Variants in TBC1D9B observed in about 807,000 individuals in gnomAD.
TBC1D9B encodes TBC1 domain family member 9B.
TBC1D9B carries 87 observed loss-of-function variants against 121.1 expected under a neutral mutation model. That is an observed-to-expected ratio of 0.72 (90% confidence interval 0.60 to 0.86). TBC1D9B has a LOEUF of 0.86. TBC1D9B is among the 40% of genes least tolerant of loss of function. The pLI is 0.00. For missense variants in TBC1D9B, 1,540 were observed against 1,628.6 expected (o/e 0.95, Z 0.94); for synonymous variants, 668 against 670.1 (o/e 1.00, Z 0.05).
At chr5:179,866,126 A>G in intron 18 of TBC1D9B, 2 of 517,746 alleles carry the variant, frequency 3.9e-6, no homozygotes, top group Non-Finnish European at 6.9e-6. Flanking sequence ...AGGCCGCCAA[A>G]CCCTCAATTC....
In TBC1D9B at chr5:179,863,046, C is replaced by A; in HGVS notation, c.*402G>T. ...GGTGCCAAGAGGCAGGAATGACCCCCATACCACATAGCTGCAGGAAAGCAT... is the reference window on the plus strand; with the variant it reads ...GGTGCCAAGAGGCAGGAATGACCCCAATACCACATAGCTGCAGGAAAGCAT... On this transcript the variant is annotated 3_prime_UTR_variant, in exon 21 of 21. Transcript: ENST00000355235. This position sits in a 1 kb window ranked among gnomAD's most constrained non-coding sequence, Gnocchi z 4.5. 3.8e-6 allele frequency: 1 copy of A among 264,670 alleles called. No homozygotes were observed. The highest frequency in any genetic ancestry group is 7.5e-6 in the Non-Finnish European group (1 of 133,580). 16.4% of individuals were successfully genotyped at this position (264,670 alleles called of 1,614,324 possible). A position where few individuals can be genotyped will look rare whatever the true frequency, so the allele number is the denominator to read the frequency against.
chr5:179,876,262 C>T (rs1252278590), intron 10 of TBC1D9B, among the ~76,000 whole-genome samples: 1 of 152,216 alleles, frequency 6.6e-6, no homozygotes, highest in Non-Finnish European at 1.5e-5. Flanking sequence ...TAATGAGAAA[C>T]TGCCCCTACC....
chr5:179,900,265 G>T (rs779019648), intron 2 of TBC1D9B, among the ~76,000 whole-genome samples: 13 of 152,224 alleles, frequency 8.5e-5, no homozygotes, highest in Non-Finnish European at 1.5e-4. Flanking sequence ...AAGGCTGGAA[G>T]AATTGTTTGC....
At chr5:179,888,537 C>T (rs542921898) in intron 6 of TBC1D9B, among the ~76,000 whole-genome samples, 23 of 152,290 alleles carry the variant, frequency 1.5e-4, no homozygotes, top group African/African-American at 4.3e-4. Flanking sequence ...GGGAGCACAC[C>T]GGCTGTGCAG....
intron 7 of TBC1D9B, among the ~76,000 whole-genome samples, chr5:179,886,446 ACCACCCTG>A (rs887685743): frequency 6.6e-6 from 1 of 152,038 alleles, no homozygotes; most frequent in African/African-American, 2.4e-5. Context: ...AGGAGGCTCG[ACCACCCTG>A]TTCACTGCCC....
chr5:179,890,959 G>GT lies in TBC1D9B; in HGVS notation c.1044+419dup, dbSNP rs968413115. ...GCTGGAGCCGAGCCACGCCAAGGTG[G>GT]TATGTCCAGAGAGGACTGGTGAGGT... On this transcript the variant is annotated intron_variant, in intron 6 of 20. Transcript: ENST00000355235. The surrounding 1 kb of genome is among the most constrained non-coding windows in gnomAD (Gnocchi z 5.0). 1.3e-5 allele frequency among the ~76,000 whole-genome samples: 2 copies of GT among 152,256 alleles called. No individual in the cohort carries two copies. Among genetic ancestry groups the GT allele is most frequent in the African/African-American group, 2.4e-5 (1 of 41,470 alleles).
chr5:179,862,608 T>G lies in TBC1D9B; in HGVS notation c.*840A>C. 2.2e-6 allele frequency: 1 copy of G among 456,550 alleles called. No homozygotes were observed. The highest frequency in any genetic ancestry group is 1.5e-5 in the South Asian group (1 of 64,574). 28.3% of individuals were successfully genotyped at this position (456,550 alleles called of 1,614,324 possible). On this transcript the variant is annotated 3_prime_UTR_variant, in exon 21 of 21. Coordinates refer to ENST00000355235, the MANE Select transcript of TBC1D9B (RefSeq NM_015043.4). ...ATCTGACCTGGCAGACCTTGCACTC[T>G]TCCACCCACTGTGGAGGACTAAGTG...
chr5:179,894,189 G>T (rs567504418), intron 4 of TBC1D9B, among the ~76,000 whole-genome samples, 197 bp downstream of exon 4: 3 of 152,306 alleles, frequency 2.0e-5, no homozygotes, highest in South Asian at 2.1e-4. Flanking sequence ...ACTAGCGAGT[G>T]GGGGGCATGG....
chr5:179,863,938 G>T lies in TBC1D9B; in HGVS notation c.3212C>A (p.Ala1071Glu). 6.2e-7 allele frequency: 1 copy of T among 1,613,928 alleles called. No individual in the cohort carries two copies. The part of the protein sequence containing the change: ...DCATEEDEPP[A>E]PELHQDAARE... ...GGCTGCGTCCTGATGCAGTTCGGGT[G>T]CTGGTGGCTCGTCCTCCTCAGTGGC... The change falls in exon 21 of 21, where the codon GCA becomes GAA. Residue 1071 changes from alanine (A) to glutamate (E), a missense_variant. By Grantham distance (107) the Ala-to-Glu change is moderately radical (BLOSUM62 -1). Coordinates refer to ENST00000355235, the MANE Select transcript of TBC1D9B (RefSeq NM_015043.4). This position sits in a 1 kb window ranked among gnomAD's most constrained non-coding sequence, Gnocchi z 4.5.
At chr5:179,869,942 T>C in intron 16 of TBC1D9B, 108 bp from the exon 17 acceptor site, 5 of 1,144,018 alleles carry the variant, frequency 4.4e-6, no homozygotes, top group African/African-American at 1.6e-5. Context: ...AACTCCCTCC[T>C]GGAGAGGTCA....
chr5:179,869,662 T>C (rs1760126894), intron 17 of TBC1D9B, 107 bp downstream of exon 17: 1 of 1,243,716 alleles, frequency 8.0e-7, no homozygotes, highest in African/African-American at 1.5e-5. Flanking sequence ...CCTGCGACGC[T>C]GCTGTGCCCC....
intron 7 of TBC1D9B, chr5:179,887,869 T>C (rs1309433648): frequency 1.4e-5 from 8 of 585,828 alleles, no homozygotes; most frequent in Non-Finnish European, 2.4e-5. Flanking sequence ...TCATGGGCAA[T>C]GGGCCCAGCA....
intron 14 of TBC1D9B, 148 bp downstream of exon 14, chr5:179,872,744 T>C (rs1760238973): frequency 2.8e-6 from 2 of 719,584 alleles, no homozygotes; most frequent in African/African-American, 1.8e-5. Flanking sequence ...CACCCCTGGA[T>C]CCCGGTCCCA....
intron 2 of TBC1D9B, among the ~76,000 whole-genome samples, chr5:179,903,809 C>T (rs771256777): frequency 7.9e-5 from 12 of 152,078 alleles, no homozygotes; most frequent in Non-Finnish European, 1.3e-4. Context: ...TCATCAGCAA[C>T]GAGCACAAAC....
chr5:179,867,278 C>T (rs368909544), intron 18 of TBC1D9B: 6 of 739,598 alleles, frequency 8.1e-6, no homozygotes, highest in South Asian at 4.4e-5. Context: ...ACAGCAGACA[C>T]GGAGGCGGTG....
chr5:179,906,083 T>C (rs989618950), intron 1 of TBC1D9B, among the ~76,000 whole-genome samples: 6 of 152,234 alleles, frequency 3.9e-5, no homozygotes, highest in African/African-American at 9.6e-5. Context: ...TTTTGCCATG[T>C]TGGCCAAGCT....
In TBC1D9B at chr5:179,878,295, G is replaced by C; in HGVS notation, c.1782+14C>G. ...TGGCAGATGCTGTCTCTGGGCCCCT[G>C]TCAGGCCCCTTACCTGGCAGTAGCC... On this transcript the variant is annotated intron_variant, in intron 10 of 20. Coordinates refer to ENST00000355235, the MANE Select transcript of TBC1D9B (RefSeq NM_015043.4). 6.2e-7 allele frequency: 1 copy of C among 1,605,746 alleles called. No homozygotes were observed. The highest frequency in any genetic ancestry group is 8.5e-7 in the Non-Finnish European group (1 of 1,177,104).
chr5:179,862,544 A>C lies in TBC1D9B; in HGVS notation c.*904T>G. On this transcript the variant is annotated 3_prime_UTR_variant, in exon 21 of 21. Transcript: ENST00000355235. ...GGGCATCCCCTGATGCAGGTTGGTC[A>C]GGACCTGCCCAGCTTGCACCAGCAG... 2.2e-6 allele frequency: 1 copy of C among 456,438 alleles called. No individual in the cohort carries two copies. Among genetic ancestry groups the C allele is most frequent in the South Asian group, 1.5e-5 (1 of 64,570 alleles). The allele number at this position is 456,438 out of a possible 1,614,324, so 28.3% of individuals were successfully genotyped here. A position where few individuals can be genotyped will look rare whatever the true frequency, so the allele number is the denominator to read the frequency against.
At chr5:179,884,704 C>T (rs751795258) in intron 7 of TBC1D9B, among the ~76,000 whole-genome samples, 8 of 152,178 alleles carry the variant, frequency 5.3e-5, no homozygotes, top group Non-Finnish European at 1.0e-4. Context: ...GAGCACGCTA[C>T]AACAGGGATG....
Sources: allele counts gnomAD v4.1 joint callset (sites outside exome capture counted in the v4.1 genomes callset), GRCh38; gene constraint gnomAD v4.1.1; non-coding constraint Gnocchi (gnomAD v3.1); transcripts MANE v1.5; gene names NCBI Gene and HGNC (gene_info 2026-07-23, HGNC 2026-07-21).